SAMD12: variants seen among roughly 807,000 people sequenced by gnomAD.
The protein encoded by SAMD12 is sterile alpha motif domain-containing protein 12.
Under a neutral mutation model 15.0 loss-of-function variants are expected in SAMD12, and 9 were observed. That is an observed-to-expected ratio of 0.60 (90% CI 0.36 to 1.05). The LOEUF (loss-of-function observed/expected upper bound fraction) is 1.05, where lower values mean the gene tolerates loss of function less well. SAMD12 is among the 50% of genes least tolerant of loss of function. The pLI is 0.01. For missense variants in SAMD12, 230 were observed against 234.2 expected (o/e 0.98, Z 0.12); for synonymous variants, 86 against 90.1 (o/e 0.96, Z 0.25).
intron 3 of SAMD12, among the ~76,000 whole-genome samples, chr8:118,420,658 T>C (rs908352561): frequency 1.3e-5 from 2 of 152,226 alleles, no homozygotes; most frequent in East Asian, 1.9e-4. Flanking sequence ...TAAGAGATTA[T>C]TTCCGGATGT....
intron 2 of SAMD12, among the ~76,000 whole-genome samples, chr8:118,440,694 ACAAACACAC>A (rs1822724646): frequency 7.2e-5 from 10 of 138,744 alleles, no homozygotes; most frequent in Admixed American, 4.3e-4. Context: ...ACACACACAC[ACAAACACAC>A]ACACACACAC....
intron 2 of SAMD12, among the ~76,000 whole-genome samples, chr8:118,459,774 A>G (rs1022059515): frequency 1.3e-5 from 2 of 152,208 alleles, no homozygotes; most frequent in African/African-American, 4.8e-5. Context: ...TAACTAGAAG[A>G]TTCATTCACT....
At chr8:118,597,906 G>A (rs1827763448) in intron 1 of SAMD12, among the ~76,000 whole-genome samples, 1 of 152,174 alleles carries the variant, frequency 6.6e-6, no homozygotes, top group African/African-American at 2.4e-5. Flanking sequence ...TAAGAGCAGG[G>A]ACCTTGCCAG....
chr8:118,205,587 G>A (rs1819839188), intron 4 of SAMD12, among the ~76,000 whole-genome samples: 2 of 152,202 alleles, frequency 1.3e-5, no homozygotes, highest in African/African-American at 2.4e-5. Context: ...TTCCAGAAAT[G>A]TTAAGCGAGA....
At chr8:118,283,769 G>A (rs558506870) in intron 4 of SAMD12, among the ~76,000 whole-genome samples, 79 of 152,300 alleles carry the variant, frequency 5.2e-4, no homozygotes, top group African/African-American at 1.8e-3. Flanking sequence ...AGACTTTAAA[G>A]AGCAAATGTA....
At chr8:118,427,825 T>C (rs1276575449) in intron 3 of SAMD12, among the ~76,000 whole-genome samples, 15 of 152,180 alleles carry the variant, frequency 9.9e-5, no homozygotes, top group Admixed American at 9.8e-4. Flanking sequence ...TCTCATAAGT[T>C]TGTGATTAAC....
At chr8:118,231,056 A>G (rs571539811) in intron 4 of SAMD12, among the ~76,000 whole-genome samples, 2 of 152,310 alleles carry the variant, frequency 1.3e-5, no homozygotes, top group African/African-American at 4.8e-5. Context: ...TAAGGCAGCA[A>G]TCCAGGCAGG....
intron 1 of SAMD12, among the ~76,000 whole-genome samples, chr8:118,604,444 A>G (rs1376060957): frequency 6.6e-6 from 1 of 152,224 alleles, no homozygotes; most frequent in East Asian, 1.9e-4. Flanking sequence ...GTGTTTCTGA[A>G]TGTTTAATCA....
the SAMD12 span, among the ~76,000 whole-genome samples, chr8:118,182,021 T>TA: frequency 4.6e-5 from 7 of 151,874 alleles, no homozygotes; most frequent in Non-Finnish European, 8.8e-5. Flanking sequence ...CCCCACAGAA[T>TA]TTTTTTTTCC....
At chr8:118,384,097 G>T (rs1054685336) in intron 3 of SAMD12, among the ~76,000 whole-genome samples, 1 of 152,128 alleles carries the variant, frequency 6.6e-6, no homozygotes, top group Non-Finnish European at 1.5e-5. Flanking sequence ...AAGGGGTGAG[G>T]CTGGAACCAG....
At chr8:118,131,887 C>T in the SAMD12 span, among the ~76,000 whole-genome samples, 8 of 152,144 alleles carry the variant, frequency 5.3e-5, no homozygotes, top group South Asian at 1.2e-3. Flanking sequence ...AAAATAATTC[C>T]GGTTCTGAAA....
intron 1 of SAMD12, among the ~76,000 whole-genome samples, chr8:118,605,961 T>A (rs73319379): frequency 0.088 from 13,329 of 151,998 alleles, 1,385 homozygotes; most frequent in African/African-American, 0.25. Context: ...TATTTGTGTT[T>A]TTATGATTTC....
the SAMD12 span, among the ~76,000 whole-genome samples, chr8:118,181,564 T>G: frequency 6.6e-6 from 1 of 152,188 alleles, no homozygotes; most frequent in East Asian, 1.9e-4. Flanking sequence ...GACAGGTGGA[T>G]GTCATGAGAG....
chr8:118,606,707 A>C (rs1237609746), intron 1 of SAMD12, among the ~76,000 whole-genome samples: 3 of 152,182 alleles, frequency 2.0e-5, no homozygotes, highest in Non-Finnish European at 4.4e-5. Flanking sequence ...GCCAAGGAGA[A>C]TCACTCTCCC....
intron 2 of SAMD12, among the ~76,000 whole-genome samples, chr8:118,514,542 T>C (rs1195194814): frequency 6.6e-6 from 1 of 152,242 alleles, no homozygotes; most frequent in African/African-American, 2.4e-5. Flanking sequence ...TCTCTTTTTA[T>C]CTATAAGGTA....
At position 118,372,181 on chromosome 8, in the gene SAMD12, G is replaced by A. The variant is rs530122918; in HGVS notation, c.433+7379C>T. ...ATAAAAAGGAATCTGACTGGCTCATGTTTTCTTTCTCAGGAGCAAGAAGAT... is the reference window on the plus strand; with the variant it reads ...ATAAAAAGGAATCTGACTGGCTCATATTTTCTTTCTCAGGAGCAAGAAGAT... On this transcript the variant is annotated intron_variant, in intron 4 of 4. Coordinates refer to the SAMD12 transcript ENST00000409003. Among the ~76,000 whole-genome samples the A allele has an allele frequency of 7.4e-4, 112 of 152,266 alleles. 1 individual carries two copies. Among genetic ancestry groups the A allele is most frequent in the African/African-American group, 2.5e-3 (105 of 41,570 alleles).
chr8:118,153,494 C>T, the SAMD12 span, among the ~76,000 whole-genome samples: 3 of 152,148 alleles, frequency 2.0e-5, no homozygotes, highest in Non-Finnish European at 4.4e-5. Flanking sequence ...TGGGGCCAAA[C>T]GTATAATCTA....
intron 2 of SAMD12, among the ~76,000 whole-genome samples, chr8:118,500,716 G>A (rs1013938854): frequency 1.3e-5 from 2 of 152,106 alleles, no homozygotes; most frequent in South Asian, 4.1e-4. Flanking sequence ...TGAGGTAGAA[G>A]AATCGCTTGA....
the SAMD12 span, among the ~76,000 whole-genome samples, chr8:118,181,900 T>C: frequency 6.6e-6 from 1 of 152,226 alleles, no homozygotes; most frequent in Non-Finnish European, 1.5e-5. Context: ...TGAGGTTGGT[T>C]GCTAGAGGGC....
Sources: allele counts gnomAD v4.1 joint callset (sites outside exome capture counted in the v4.1 genomes callset), GRCh38; gene constraint gnomAD v4.1.1; transcripts MANE v1.5; gene names NCBI Gene and HGNC (gene_info 2026-07-23, HGNC 2026-07-21).